The following CSRP1 variants were observed in gnomAD, a reference collection of about 807,000 sequenced individuals.
The protein encoded by CSRP1 is cysteine and glycine-rich protein 1.
In CSRP1, 16 loss-of-function variants were observed where a neutral mutation model predicts 25.4. The observed-to-expected ratio is 0.63, with a 90% CI of 0.43 to 0.96. The LOEUF is 0.96. CSRP1 is among the 40% of genes least tolerant of loss of function. The pLI, the probability that CSRP1 is intolerant of heterozygous loss-of-function variation, is 0.00. For synonymous variants in CSRP1, 97 were observed against 95.3 expected (o/e 1.02, Z -0.10); for missense variants, 212 against 243.6 (o/e 0.87, Z 0.86).
intron 1 of CSRP1, among the ~76,000 whole-genome samples, chr1:201,503,363 C>A (rs688219): frequency 0.76 from 115,254 of 152,108 alleles, 43,970 homozygotes; most frequent in Middle Eastern, 0.82. Context: ...TAATTTTTTA[C>A]AAGTTAAAAC....
chr1:201,505,597 G>C (rs1325508001), intron 1 of CSRP1, among the ~76,000 whole-genome samples: 1 of 152,178 alleles, frequency 6.6e-6, no homozygotes, highest in Non-Finnish European at 1.5e-5. Flanking sequence ...TACACCCTCT[G>C]CAGGATAAAC....
At chr1:201,490,601 G>T in intron 2 of CSRP1, 1 of 423,834 alleles carries the variant, frequency 2.4e-6, no homozygotes, top group Non-Finnish European at 4.3e-6. Context: ...TGTCTCCTTT[G>T]GTCCTCTGCA....
chr1:201,499,621 TC>T (rs1404038980), intron 1 of CSRP1, among the ~76,000 whole-genome samples: 6 of 152,062 alleles, frequency 3.9e-5, no homozygotes, highest in African/African-American at 1.4e-4. Context: ...TCATCCCATT[TC>T]TTTATTTTTT....
Position 201,485,334 on chromosome 1 carries a change from C to T in CSRP1, c.454G>A (p.Gly152Ser). 2.5e-6 allele frequency: 4 copies of T among 1,614,202 alleles called. No homozygotes were observed. Among genetic ancestry groups the T allele is most frequent in the Non-Finnish European group, 3.4e-6 (4 of 1,180,026 alleles). Residue 152 changes from glycine to serine, a missense_variant, in exon 5 of 6, where the codon GGC becomes AGC. Transcript: ENST00000340006. The part of the protein sequence containing the change: ...ACFRCAKCGK[G>S]LESTTLADKD... ...TCTGCCAGGGTGGTTGACTCAAGGC[C>T]TTTGCCACACTTGGCACATCGAAAG...
intron 1 of CSRP1, among the ~76,000 whole-genome samples, chr1:201,501,389 C>T (rs940275641): frequency 6.6e-6 from 1 of 152,236 alleles, no homozygotes; most frequent in Non-Finnish European, 1.5e-5. Context: ...TTAGCTCCCC[C>T]CAGCTGTCTG....
intron 3 of CSRP1, 84 bp downstream of exon 3, chr1:201,490,092 A>C (rs995401547): frequency 1.4e-6 from 2 of 1,422,690 alleles, no homozygotes; most frequent in Non-Finnish European, 1.9e-6. Flanking sequence ...GCTTACCCAA[A>C]AATGGTTGTA....
chr1:201,484,013 G>T lies in CSRP1; in HGVS notation c.*700C>A. On this transcript the variant is annotated 3_prime_UTR_variant, in exon 6 of 6. Coordinates refer to ENST00000340006, the MANE Select transcript of CSRP1 (RefSeq NM_004078.3). ...CATTAGGATCCTCCCATCAAGCAGG[G>T]AACTAGATGTTTGAGAAGATCAAAC... is the stretch of plus-strand genomic sequence containing the variant. 1 of 697,818 alleles carries T rather than the reference G, an allele frequency of 1.4e-6. No homozygotes were observed. The highest frequency in any genetic ancestry group is 1.5e-5 in the South Asian group (1 of 67,346). The allele number at this position is 697,818 out of a possible 1,614,324, so 43.2% of individuals were successfully genotyped here. A position where few individuals can be genotyped will look rare whatever the true frequency, so the allele number is the denominator to read the frequency against.
chr1:201,506,318 C>T (rs1182944067), intron 1 of CSRP1, among the ~76,000 whole-genome samples: 1 of 152,160 alleles, frequency 6.6e-6, no homozygotes, highest in South Asian at 2.1e-4. Context: ...CACTATTGCT[C>T]CAGCCGATTC....
At chr1:201,486,049 C>G (rs1571772610) in intron 4 of CSRP1, 1 of 152,356 alleles carries the variant, frequency 6.6e-6, no homozygotes, top group African/African-American at 2.4e-5. Context: ...ATACTGCCAC[C>G]CTCCCCTCCA....
At chr1:201,505,123 A>C (rs970796767) in intron 1 of CSRP1, among the ~76,000 whole-genome samples, 9 of 151,978 alleles carry the variant, frequency 5.9e-5, no homozygotes, top group African/African-American at 2.2e-4. Flanking sequence ...AAAAAAGCCC[A>C]AAAAAAACCT....
intron 4 of CSRP1, chr1:201,485,995 C>T (rs1209117464): frequency 6.6e-6 from 1 of 152,330 alleles, no homozygotes; most frequent in East Asian, 1.9e-4. Context: ...AGGCACTTTA[C>T]ACTGGTGAAG....
intron 4 of CSRP1, chr1:201,487,517 A>C (rs1194117391): frequency 6.6e-6 from 1 of 152,292 alleles, no homozygotes; most frequent in Non-Finnish European, 1.5e-5. Context: ...TTAGAGCTGA[A>C]GAACTGAGGC....
In CSRP1 at chr1:201,486,828, T is replaced by C. The variant is rs925402344; in HGVS notation, c.412-1452A>G. ...AAAATTCTCTTATCCTACTCCTTAGTACAGCCCTAACTTTACCTTATAGCC... is the reference window on the plus strand; with the variant it reads ...AAAATTCTCTTATCCTACTCCTTAGCACAGCCCTAACTTTACCTTATAGCC... On this transcript the variant is annotated intron_variant, in intron 4 of 5. Transcript: ENST00000340006. 10 of 1,173,880 alleles carry C rather than the reference T, an allele frequency of 8.5e-6. No individual in the cohort carries two copies. The African/African-American group carries it at 1.6e-4, about 19-fold the overall frequency. The allele number at this position is 1,173,880 out of a possible 1,614,324, so 72.7% of individuals were successfully genotyped here.
chr1:201,499,102 T>C (rs1328589503), intron 1 of CSRP1, among the ~76,000 whole-genome samples: 1 of 152,230 alleles, frequency 6.6e-6, no homozygotes, highest in Non-Finnish European at 1.5e-5. Flanking sequence ...CAGCCTCTGA[T>C]GTTGCACTGT....
chr1:201,489,897 G>C (rs985514548), intron 3 of CSRP1: 1 of 335,960 alleles, frequency 3.0e-6, no homozygotes, highest in African/African-American at 2.1e-5. Flanking sequence ...GAGGAAATTG[G>C]ACTAAGTGAT....
At chr1:201,504,285 A>C (rs980732050) in intron 1 of CSRP1, among the ~76,000 whole-genome samples, 2 of 152,242 alleles carry the variant, frequency 1.3e-5, no homozygotes, top group Admixed American at 1.3e-4. Context: ...GGAGAGCATC[A>C]GTAGCTACCT....
In CSRP1 at chr1:201,502,226, C is replaced by T. The variant is rs542858387; in HGVS notation, c.-2+4844G>A. 4.6e-5 allele frequency among the ~76,000 whole-genome samples: 7 copies of T among 152,276 alleles called. No individual in the cohort carries two copies. In the South Asian group the frequency reaches 6.2e-4, roughly 14 times the overall value. ...TTCCCTAGGGCCAAAGAGTGACTGA[C>T]GGCACAGGGTTAAAGTCCCCATCCA... On this transcript the variant is annotated intron_variant, in intron 1 of 5. Coordinates refer to ENST00000340006, the MANE Select transcript of CSRP1 (RefSeq NM_004078.3).
chr1:201,500,605 T>G (rs1664641895), intron 1 of CSRP1, among the ~76,000 whole-genome samples: 1 of 152,198 alleles, frequency 6.6e-6, no homozygotes, highest in Non-Finnish European at 1.5e-5. Context: ...GATGACTCTA[T>G]CCCTAGCCAG....
At chr1:201,495,237 A>C (rs1477448290) in intron 2 of CSRP1, among the ~76,000 whole-genome samples, 1 of 152,048 alleles carries the variant, frequency 6.6e-6, no homozygotes, top group South Asian at 2.1e-4. Flanking sequence ...CTCTCTAAAA[A>C]TTTTTTTTAA....
Sources: allele counts gnomAD v4.1 joint callset (sites outside exome capture counted in the v4.1 genomes callset), GRCh38; gene constraint gnomAD v4.1.1; transcripts MANE v1.5; gene names NCBI Gene and HGNC (gene_info 2026-07-23, HGNC 2026-07-21).